The following SLC26A7 variants were observed in gnomAD, a reference collection of about 807,000 sequenced individuals.
SLC26A7 encodes solute carrier family 26 member 7, also known as anion exchange transporter.
A neutral mutation model predicts 82.5 loss-of-function variants in SLC26A7; 59 were observed. That is an observed-to-expected ratio of 0.72 (90% CI 0.58 to 0.89). The LOEUF (loss-of-function observed/expected upper bound fraction) is 0.89. Among genes scored for constraint, SLC26A7 ranks in the 40% least tolerant of loss-of-function variants. SLC26A7 has a pLI of 0.00. For synonymous variants in SLC26A7, 271 were observed against 274.3 expected, an observed-to-expected ratio of 0.99 and a Z score of 0.12; for missense variants, 820 against 793.0, an observed-to-expected ratio of 1.03 and a Z score of -0.41.
intron 2 of SLC26A7, among the ~76,000 whole-genome samples, chr8:91,227,006 C>G (rs1810247907): frequency 1.3e-5 from 2 of 152,216 alleles, no homozygotes; most frequent in South Asian, 4.1e-4. Context: ...AATGCATCTG[C>G]TTCTGCCCTG....
chr8:91,339,627 G>GATTT (rs60112814), intron 7 of SLC26A7, among the ~76,000 whole-genome samples: 43,031 of 146,852 alleles, frequency 0.29, 6,793 homozygotes, highest in African/African-American at 0.39. Context: ...CTGCCTGAGG[G>GATTT]ATTTATTTAT....
intron 11 of SLC26A7, among the ~76,000 whole-genome samples, chr8:91,358,195 C>T (rs1383736778): frequency 6.6e-6 from 1 of 152,110 alleles, no homozygotes; most frequent in Admixed American, 6.5e-5. Flanking sequence ...TGTGGAAGAC[C>T]GTGTGGCAAT....
chr8:91,295,812 A>G (rs1036176906), intron 4 of SLC26A7, 109 bp downstream of exon 4: 1 of 1,070,010 alleles, frequency 9.3e-7, no homozygotes, highest in African/African-American at 1.6e-5. Context: ...ATAGGTGGAT[A>G]AAGGCCTGAT....
intron 2 of SLC26A7, among the ~76,000 whole-genome samples, chr8:91,220,942 T>C (rs1810151344): frequency 6.6e-6 from 1 of 152,216 alleles, no homozygotes; most frequent in Non-Finnish European, 1.5e-5. Flanking sequence ...TCTTCCAGAA[T>C]GGTTGAACTA....
At chr8:91,369,711 G>A (rs1187936099) in intron 14 of SLC26A7, 74 bp from the exon 15 acceptor site, 2 of 1,118,848 alleles carry the variant, frequency 1.8e-6, no homozygotes, top group African/African-American at 3.2e-5. Flanking sequence ...ATAAGTAAAA[G>A]AATTATGTGA....
At chr8:91,372,527 G>A (rs947148983) in intron 15 of SLC26A7, among the ~76,000 whole-genome samples, 4 of 151,828 alleles carry the variant, frequency 2.6e-5, no homozygotes, top group Non-Finnish European at 4.4e-5. Context: ...TATCATTGAG[G>A]ATCAATTGGT....
intron 9 of SLC26A7, among the ~76,000 whole-genome samples, chr8:91,346,955 C>A (rs181452364): frequency 6.6e-6 from 1 of 152,134 alleles, no homozygotes; most frequent in Non-Finnish European, 1.5e-5. Context: ...TCTTTGTCAG[C>A]GTCCTTAGTG....
chr8:91,362,219 T>C (rs1814068777), intron 11 of SLC26A7, 134 bp from the exon 12 acceptor site: 1 of 598,468 alleles, frequency 1.7e-6, no homozygotes, highest in Non-Finnish European at 2.9e-6. Flanking sequence ...TGTTTACCAC[T>C]TGTTAAATAA....
At chr8:91,289,095 G>T in intron 2 of SLC26A7, 41 bp from the exon 3 acceptor site, 1 of 1,266,972 alleles carries the variant, frequency 7.9e-7, no homozygotes, top group Non-Finnish European at 1.2e-6. Context: ...CTGTGTCTTG[G>T]GGTTATAAGG....
intron 5 of SLC26A7, among the ~76,000 whole-genome samples, chr8:91,331,130 C>T (rs1052413509): frequency 6.6e-6 from 1 of 152,056 alleles, no homozygotes. Flanking sequence ...TCTCATTTTA[C>T]CTTAATCACC....
At chr8:91,340,306 T>A in intron 7 of SLC26A7, 98 bp from the exon 8 acceptor site, 1 of 1,448,294 alleles carries the variant, frequency 6.9e-7, no homozygotes, top group Non-Finnish European at 9.5e-7. Context: ...ACTTAGTCTA[T>A]GTAAACTTCA....
chr8:91,316,669 CA>C (rs1812641845), intron 4 of SLC26A7, among the ~76,000 whole-genome samples: 1 of 151,448 alleles, frequency 6.6e-6, no homozygotes, highest in African/African-American at 2.4e-5. Context: ...GAAGTTATAT[CA>C]GCATGACCTC....
chr8:91,225,551 G>C (rs2130668033), intron 2 of SLC26A7, among the ~76,000 whole-genome samples: 1 of 143,934 alleles, frequency 6.9e-6, no homozygotes, highest in South Asian at 2.2e-4. Context: ...GGATTCACAT[G>C]CTTATTATGA....
chr8:91,320,952 C>T (rs967255162), intron 5 of SLC26A7, among the ~76,000 whole-genome samples: 25 of 152,276 alleles, frequency 1.6e-4, no homozygotes, highest in African/African-American at 5.8e-4. Flanking sequence ...GTCATGATTC[C>T]TAATAGTCCC....
At chr8:91,381,806 G>A (rs1036208627) in intron 15 of SLC26A7, among the ~76,000 whole-genome samples, 3 of 152,080 alleles carry the variant, frequency 2.0e-5, no homozygotes, top group Non-Finnish European at 4.4e-5. Context: ...TTTAAATGCT[G>A]AGGTTATGTG....
intron 2 of SLC26A7, among the ~76,000 whole-genome samples, chr8:91,268,974 A>T (rs1033038136): frequency 6.6e-6 from 1 of 151,882 alleles, no homozygotes; most frequent in East Asian, 1.9e-4. Flanking sequence ...CAAACTTTGT[A>T]CTTTTATACC....
At chr8:91,227,463 G>A (rs909845061) in intron 2 of SLC26A7, among the ~76,000 whole-genome samples, 6 of 152,094 alleles carry the variant, frequency 3.9e-5, no homozygotes, top group African/African-American at 1.4e-4. Flanking sequence ...TTCTATTTAT[G>A]TCCTCAGTTA....
chr8:91,326,852 GCTT>G (rs1346253016), intron 5 of SLC26A7, among the ~76,000 whole-genome samples: 1 of 152,140 alleles, frequency 6.6e-6, no homozygotes, highest in Admixed American at 6.6e-5. Context: ...TGCCTTTTCA[GCTT>G]CTTCTGGCTC....
At position 91,338,213 on chromosome 8, in the gene SLC26A7, G is replaced by T; in HGVS notation, c.859G>T (p.Val287Phe). The change falls in exon 7 of 19, where the codon GTT becomes TTT. Residue 287 changes from valine to phenylalanine, a missense_variant. By Grantham distance (50) the Val-to-Phe change is conservative. Transcript: ENST00000276609. ...GGAAAACACATATGGATTAGAAGTA[G>T]TTGGTCATATTCCACAAGGGTAATG... ...NMENTYGLEV[V>F]GHIPQGIPSP... 1 of 1,608,346 alleles carries T rather than the reference G, an allele frequency of 6.2e-7. No individual in the cohort carries two copies. The highest frequency in any genetic ancestry group is 8.5e-7 in the Non-Finnish European group (1 of 1,177,698).
Sources: gnomAD v4.1 joint callset for allele counts (sites outside exome capture counted in the v4.1 genomes callset) on GRCh38, gnomAD v4.1.1 for gene constraint, MANE v1.5 for transcripts, NCBI Gene and HGNC (gene_info 2026-07-23, HGNC 2026-07-21) for gene names.